CAPN13: variants seen among roughly 807,000 people sequenced by gnomAD.
CAPN13 encodes the protein calpain 13.
Under a neutral mutation model 98.4 loss-of-function variants are expected in CAPN13, and 90 were observed. The ratio of observed to expected loss-of-function variants is 0.92; its 90% CI spans 0.77 to 1.09. The LOEUF (loss-of-function observed/expected upper bound fraction) is 1.09, where lower values mean the gene tolerates loss of function less well. Among genes scored for constraint, CAPN13 ranks in the 50% least tolerant of loss-of-function variants. The pLI, the probability that CAPN13 is intolerant of heterozygous loss-of-function variation, is 0.00. For missense variants in CAPN13, 887 were observed against 841.3 expected, an observed-to-expected ratio of 1.05 and a Z score of -0.67; for synonymous variants, 330 against 305.5, an observed-to-expected ratio of 1.08 and a Z score of -0.84.
intron 4 of CAPN13, among the ~76,000 whole-genome samples, chr2:30,775,672 C>A (rs1428117806): frequency 6.6e-6 from 1 of 152,184 alleles, no homozygotes; most frequent in Non-Finnish European, 1.5e-5. Flanking sequence ...ATGTTAGTTA[C>A]AGGGTTCTCG....
chr2:30,757,183 C>T (rs970522115), intron 8 of CAPN13, among the ~76,000 whole-genome samples: 1 of 152,240 alleles, frequency 6.6e-6, no homozygotes, highest in Non-Finnish European at 1.5e-5. Flanking sequence ...ACATTTTTCA[C>T]GGATGGACAC....
chr2:30,799,320 TA>T lies in CAPN13; in HGVS notation c.-33+7981del, dbSNP rs200459910. The stretch of plus-strand genomic sequence containing the variant: ...GATGGTGTAAGTGTGAGAATGAGCT[TA>T]AACATCGGGTTTGAAGATGGAACTT... On this transcript the variant is annotated intron_variant, in intron 1 of 22. Coordinates refer to ENST00000295055, the MANE Select transcript of CAPN13 (RefSeq NM_144575.3). Among the ~76,000 whole-genome samples, 871 of 152,350 alleles carry T rather than the reference TA, an allele frequency of 5.7e-3. 10 individuals are homozygous for T. The highest frequency in any genetic ancestry group is 4.6e-3 in the Non-Finnish European group (316 of 68,036).
chr2:30,734,608 C>A, intron 18 of CAPN13, 84 bp from the exon 19 acceptor site: 1 of 1,117,594 alleles, frequency 8.9e-7, no homozygotes, highest in East Asian at 2.5e-5. Context: ...GCTTGCTTCC[C>A]TAAACCTCAG....
intron 1 of CAPN13, among the ~76,000 whole-genome samples, chr2:30,792,155 TAGA>T (rs1475662534): frequency 1.3e-5 from 2 of 152,044 alleles, no homozygotes; most frequent in Non-Finnish European, 2.9e-5. Context: ...CGTGAATAAG[TAGA>T]AGGACATAAA....
chr2:30,805,190 G>C (rs938732933), intron 1 of CAPN13, among the ~76,000 whole-genome samples: 1 of 152,174 alleles, frequency 6.6e-6, no homozygotes. Flanking sequence ...TGAACAATAA[G>C]AGAGGAGACA....
At position 30,787,292 on chromosome 2, in the gene CAPN13, A is replaced by G. The variant is rs771867886; in HGVS notation, c.34T>C (p.Ser12Pro). 43 of 1,613,184 alleles carry G rather than the reference A, an allele frequency of 2.7e-5. No homozygotes were observed. Among genetic ancestry groups the G allele is most frequent in the Non-Finnish European group, 3.5e-5 (41 of 1,179,688 alleles). The stretch of plus-strand genomic sequence containing the variant: ...TCCTGGTCTTTGAACTTGATGATGG[A>G]GGTCTCCACTGAAGGCTCCTGGTAA... ...AYYQEPSVET[S>P]IIKFKDQDFT... is the part of the protein sequence containing the mutation. The change falls in exon 2 of 23, where the codon TCC becomes CCC. Residue 12 changes from serine to proline, a missense_variant. Transcript: ENST00000295055.
intron 15 of CAPN13, among the ~76,000 whole-genome samples, chr2:30,739,513 A>G (rs949604428): frequency 6.6e-6 from 1 of 152,056 alleles, no homozygotes; most frequent in Non-Finnish European, 1.5e-5. Flanking sequence ...ATGCCTGAAG[A>G]TGGTCCTCGG....
intron 8 of CAPN13, among the ~76,000 whole-genome samples, chr2:30,757,517 TGAGTA>T (rs1672515085): frequency 6.6e-6 from 1 of 152,212 alleles, no homozygotes; most frequent in African/African-American, 2.4e-5. Context: ...ACTGGTGAGC[TGAGTA>T]GATTGGACAA....
At chr2:30,787,446 A>G (rs1674352613) in intron 1 of CAPN13, 89 bp from the exon 2 acceptor site, 2 of 928,906 alleles carry the variant, frequency 2.2e-6, no homozygotes, top group South Asian at 1.8e-5. Flanking sequence ...ACTCTGATAT[A>G]CCACCCTTTA....
intron 8 of CAPN13, among the ~76,000 whole-genome samples, chr2:30,757,329 C>T (rs1672505129): frequency 6.6e-6 from 1 of 152,220 alleles, no homozygotes; most frequent in Admixed American, 6.5e-5. Flanking sequence ...TAGGGGTCCA[C>T]CCCTCTGGCA....
At position 30,800,796 on chromosome 2, in the gene CAPN13, C is replaced by G. The variant is rs978198213; in HGVS notation, c.-33+6506G>C. ...TTTGCATGGAAATCTCCTTTCCCCTCCCTAGAGCATTTGATAGGTGTCATT... is the reference window on the plus strand; with the variant it reads ...TTTGCATGGAAATCTCCTTTCCCCTGCCTAGAGCATTTGATAGGTGTCATT... On this transcript the variant is annotated intron_variant, in intron 1 of 22. Transcript: ENST00000295055. Among the ~76,000 whole-genome samples the G allele has an allele frequency of 5.9e-5, 9 of 152,284 alleles. 1 individual carries two copies. The highest frequency in any genetic ancestry group is 2.2e-4 in the African/African-American group (9 of 41,574).
At chr2:30,743,142 C>T (rs1671740193) in intron 13 of CAPN13, 2 of 540,546 alleles carry the variant, frequency 3.7e-6, no homozygotes, top group Middle Eastern at 4.9e-4. Context: ...CCACTCAGTC[C>T]TCCCGTGCCA....
At chr2:30,775,847 C>A in intron 4 of CAPN13, 83 bp downstream of exon 4, 1 of 899,844 alleles carries the variant, frequency 1.1e-6, no homozygotes, top group Non-Finnish European at 1.6e-6. Flanking sequence ...GGCTTCCCGG[C>A]CACGAGAAAA....
intron 8 of CAPN13, among the ~76,000 whole-genome samples, chr2:30,755,979 C>T (rs895469712): frequency 1.3e-5 from 2 of 152,058 alleles, no homozygotes; most frequent in Non-Finnish European, 2.9e-5. Context: ...AAGAAATCGA[C>T]CACCTGCTTG....
At chr2:30,727,543 A>G (rs527654199) in intron 22 of CAPN13, among the ~76,000 whole-genome samples, 58 of 152,326 alleles carry the variant, frequency 3.8e-4, no homozygotes, top group African/African-American at 1.3e-3. Flanking sequence ...AAAATAACCC[A>G]CAAGCACTGA....
intron 12 of CAPN13, chr2:30,743,801 C>T: frequency 1.5e-6 from 1 of 666,058 alleles, no homozygotes; most frequent in South Asian, 1.5e-5. Flanking sequence ...GGAAATACCA[C>T]ACACAGTTTC....
At chr2:30,796,629 A>G (rs569022840) in intron 1 of CAPN13, among the ~76,000 whole-genome samples, 1 of 152,326 alleles carries the variant, frequency 6.6e-6, no homozygotes, top group African/African-American at 2.4e-5. Context: ...TCAAAATTCT[A>G]AATGACTTCA....
At chr2:30,785,892 G>T (rs967492776) in intron 2 of CAPN13, among the ~76,000 whole-genome samples, 1 of 145,810 alleles carries the variant, frequency 6.9e-6, no homozygotes, top group Non-Finnish European at 1.5e-5. Context: ...AATCATTGTT[G>T]AGGACTTACT....
chr2:30,741,552 G>T, intron 15 of CAPN13: 1 of 1,072,060 alleles, frequency 9.3e-7, no homozygotes, highest in African/African-American at 1.7e-5. Flanking sequence ...GAGGAACGAT[G>T]CCAGGTTGGT....
Sources: gnomAD v4.1 joint callset for allele counts (sites outside exome capture counted in the v4.1 genomes callset) on GRCh38, gnomAD v4.1.1 for gene constraint, MANE v1.5 for transcripts, NCBI Gene and HGNC (gene_info 2026-07-23, HGNC 2026-07-21) for gene names.